The following ADGRV1 variants were observed in gnomAD, a reference collection of about 807,000 sequenced individuals.
ADGRV1 encodes G-protein coupled receptor 98.
A neutral mutation model predicts 596.2 loss-of-function variants in ADGRV1; 359 were observed. The ratio of observed to expected loss-of-function variants is 0.60; its 90% CI spans 0.55 to 0.66. The LOEUF is 0.66. Among genes scored for constraint, ADGRV1 ranks in the 30% least tolerant of loss-of-function variants. The probability of loss-of-function intolerance (pLI) is 0.00; values close to 1 mark genes in which losing one functional copy is unlikely to be tolerated. For synonymous variants in ADGRV1, 2,681 were observed against 2,679.2 expected (o/e 1.00, Z -0.02); for missense variants, 7,274 against 7,575.6 (o/e 0.96, Z 1.48).
At chr5:90,830,333 C>A (rs886761935) in intron 77 of ADGRV1, among the ~76,000 whole-genome samples, 6 of 152,058 alleles carry the variant, frequency 3.9e-5, no homozygotes, top group African/African-American at 1.4e-4. Context: ...AGTAGGAAGA[C>A]TTGAGTATTT....
chr5:90,760,464 A>G (rs1410386776), intron 58 of ADGRV1, among the ~76,000 whole-genome samples: 3 of 152,162 alleles, frequency 2.0e-5, no homozygotes, highest in African/African-American at 4.8e-5. Flanking sequence ...TATTGGCTGT[A>G]GTAGATCAAG....
chr5:91,109,499 T>C (rs899291579), intron 87 of ADGRV1, among the ~76,000 whole-genome samples: 1 of 152,174 alleles, frequency 6.6e-6, no homozygotes, highest in African/African-American at 2.4e-5. Context: ...AAAGTACTTT[T>C]GTACTTACAT....
intron 58 of ADGRV1, 42 bp downstream of exon 58, chr5:90,759,630 C>G (rs1344545494): frequency 1.3e-6 from 2 of 1,549,138 alleles, no homozygotes; most frequent in South Asian, 2.3e-5. Flanking sequence ...TTCAGGCTAG[C>G]GTTTCATGTA....
intron 83 of ADGRV1, among the ~76,000 whole-genome samples, chr5:90,934,045 G>A (rs963937380): frequency 1.3e-5 from 2 of 152,176 alleles, no homozygotes; most frequent in Non-Finnish European, 2.9e-5. Flanking sequence ...CAGAAAAGTA[G>A]CCATGGGTTC....
At chr5:90,756,880 G>A in intron 56 of ADGRV1, 99 bp from the exon 57 acceptor site, 1 of 1,002,218 alleles carries the variant, frequency 1.0e-6, no homozygotes, top group Non-Finnish European at 1.5e-6. Flanking sequence ...ACTTTAAAGG[G>A]TGAAATATAG....
intron 24 of ADGRV1, among the ~76,000 whole-genome samples, chr5:90,675,705 T>C (rs1773151345): frequency 6.6e-6 from 1 of 152,088 alleles, no homozygotes; most frequent in African/African-American, 2.4e-5. Flanking sequence ...GGAGGATTGC[T>C]TGAGCCTACG....
At chr5:90,727,132 G>A (rs1751899987) in intron 48 of ADGRV1, among the ~76,000 whole-genome samples, 1 of 152,066 alleles carries the variant, frequency 6.6e-6, no homozygotes, top group Non-Finnish European at 1.5e-5. Flanking sequence ...CTGTGGCCCA[G>A]GCTTGAGTGC....
At chr5:90,910,551 TTATC>T (rs58713482) in intron 83 of ADGRV1, among the ~76,000 whole-genome samples, 20,564 of 146,996 alleles carry the variant, frequency 0.14, 1,587 homozygotes, top group Admixed American at 0.2. Flanking sequence ...TATATATATA[TTATC>T]TATCTATCTA....
chr5:91,140,821 T>A (rs546869506), intron 87 of ADGRV1, among the ~76,000 whole-genome samples: 1 of 152,322 alleles, frequency 6.6e-6, no homozygotes, highest in African/African-American at 2.4e-5. Context: ...AGTCCTATCA[T>A]GACTGATTAG....
At chr5:90,930,086 G>T (rs374676820) in intron 83 of ADGRV1, among the ~76,000 whole-genome samples, 3 of 151,926 alleles carry the variant, frequency 2.0e-5, no homozygotes, top group Admixed American at 6.6e-5. Context: ...TCTTTTTGTT[G>T]TTTCTTTTTA....
chr5:90,791,481 T>C (rs1438801856), intron 70 of ADGRV1, 135 bp downstream of exon 70: 20 of 631,128 alleles, frequency 3.2e-5, no homozygotes, highest in Non-Finnish European at 5.5e-5. Context: ...TCGAAAATGT[T>C]TAGTAACTAC....
In ADGRV1 at chr5:90,754,972, TTCTC is replaced by T. The variant is rs1324130271; in HGVS notation, c.11378-8_11378-5del. 1 of 1,595,392 alleles carries T rather than the reference TTCTC, an allele frequency of 6.3e-7. No individual in the cohort carries two copies. On this transcript the variant is annotated splice_region_variant and splice_polypyrimidine_tract_variant and intron_variant, in intron 54 of 89. Transcript: ENST00000405460. ...AAAAGACTATTTACTCGTGGCATGT[TTCTC>T]TCACAGAAAACACCACCACTCTTCA...
chr5:90,591,530 T>G (rs924156629), intron 1 of ADGRV1, among the ~76,000 whole-genome samples: 3 of 151,978 alleles, frequency 2.0e-5, no homozygotes, highest in Admixed American at 2.0e-4. Context: ...TGTAGGGGGG[T>G]TAAGCAAACC....
chr5:90,579,304 T>C (rs1019619010), intron 1 of ADGRV1, among the ~76,000 whole-genome samples: 1 of 152,250 alleles, frequency 6.6e-6, no homozygotes, highest in Non-Finnish European at 1.5e-5. Context: ...TGGTATGTTG[T>C]GTCTTTGTTC....
In ADGRV1 at chr5:90,582,762, G is replaced by A. The variant is rs573110212; in HGVS notation, c.22+23845G>A. Among the ~76,000 whole-genome samples, 3 of 152,138 alleles carry A rather than the reference G, an allele frequency of 2.0e-5. No homozygotes were observed. The South Asian group carries it at 6.2e-4, about 32-fold the overall frequency. On this transcript the variant is annotated intron_variant, in intron 1 of 89. Coordinates refer to ENST00000405460, the MANE Select transcript of ADGRV1 (RefSeq NM_032119.4). ...AAACAAAACATTATTGTAAGATATG[G>A]GGTCTTTCTGTGTTGCCCAGGCTTG...
chr5:90,826,008 G>T (rs1012678257), intron 76 of ADGRV1, among the ~76,000 whole-genome samples: 1 of 152,054 alleles, frequency 6.6e-6, no homozygotes, highest in Non-Finnish European at 1.5e-5. Flanking sequence ...AACAAGCAAG[G>T]TTAATATATA....
intron 78 of ADGRV1, among the ~76,000 whole-genome samples, chr5:90,843,816 C>T (rs531798341): frequency 2.0e-5 from 3 of 152,154 alleles, no homozygotes; most frequent in African/African-American, 4.8e-5. Flanking sequence ...CTGGGAAAAA[C>T]GATAGCCATT....
At chr5:90,598,886 C>T (rs1007568736) in intron 1 of ADGRV1, among the ~76,000 whole-genome samples, 1 of 152,228 alleles carries the variant, frequency 6.6e-6, no homozygotes, top group Non-Finnish European at 1.5e-5. Flanking sequence ...ATCTTCGTTA[C>T]ATCACAGCTA....
intron 83 of ADGRV1, among the ~76,000 whole-genome samples, chr5:90,952,631 T>G (rs1191633220): frequency 6.6e-6 from 1 of 152,148 alleles, no homozygotes; most frequent in Non-Finnish European, 1.5e-5. Flanking sequence ...AAATATTATT[T>G]TATGACTTAG....
Sources: allele counts gnomAD v4.1 joint callset (sites outside exome capture counted in the v4.1 genomes callset), GRCh38; gene constraint gnomAD v4.1.1; transcripts MANE v1.5; gene names NCBI Gene and HGNC (gene_info 2026-07-23, HGNC 2026-07-21).